ARL6IP6: variants seen among roughly 807,000 people sequenced by gnomAD.
ARL6IP6 encodes the protein ADP-ribosylation factor-like protein 6-interacting protein 6.
In ARL6IP6, 22 loss-of-function variants were observed where a neutral mutation model predicts 21.5. That is an observed-to-expected ratio of 1.02 (90% CI 0.73 to 1.46). ARL6IP6 has a LOEUF of 1.46. ARL6IP6 is among the 40% of genes most tolerant of loss of function. The probability of loss-of-function intolerance (pLI) is 0.00; values close to 1 mark genes in which losing one functional copy is unlikely to be tolerated. For missense variants in ARL6IP6, 388 were observed against 299.8 expected (o/e 1.29, Z -2.17); for synonymous variants, 164 against 125.3 (o/e 1.31, Z -2.06).
In ARL6IP6 at chr2:152,749,314, A is replaced by ACACACAC. The variant is rs1701206001; in HGVS notation, c.588-10433_588-10432insCACACAC. On this transcript the variant is annotated intron_variant, in intron 3 of 3. Coordinates refer to ENST00000326446, the MANE Select transcript of ARL6IP6 (RefSeq NM_152522.7). ...TATCAAGCAGAAACACACACACAAAAACACACACACACACACACACACGCA... is the reference window on the plus strand; with the variant it reads ...TATCAAGCAGAAACACACACACAAAACACACACACACACACACACACACACACACGCA... Among the ~76,000 whole-genome samples the ACACACAC allele has an allele frequency of 6.4e-3, 966 of 150,218 alleles. 11 individuals carry two copies. The highest frequency in any genetic ancestry group is 0.023 in the African/African-American group (937 of 40,842).
At chr2:152,722,589 A>G (rs746446700) in intron 2 of ARL6IP6, among the ~76,000 whole-genome samples, 1 of 152,196 alleles carries the variant, frequency 6.6e-6, no homozygotes, top group Non-Finnish European at 1.5e-5. Flanking sequence ...CAGGGCCAAG[A>G]TGATTAAGCT....
intron 3 of ARL6IP6, among the ~76,000 whole-genome samples, chr2:152,754,222 C>T (rs917081872): frequency 6.6e-6 from 1 of 152,158 alleles, no homozygotes; most frequent in East Asian, 1.9e-4. Flanking sequence ...GCACCATTTC[C>T]TCCTGCCTCT....
chr2:152,759,717 T>C (rs1701743783), intron 3 of ARL6IP6, 30 bp from the exon 4 acceptor site: 1 of 1,578,116 alleles, frequency 6.3e-7, no homozygotes, highest in Non-Finnish European at 8.7e-7. Flanking sequence ...ACATTTTTCT[T>C]TTTTGATTTG....
chr2:152,717,808 C>G (rs1198750981), upstream of ARL6IP6: 29 of 1,150,574 alleles, frequency 2.5e-5, no homozygotes, highest in Non-Finnish European at 3.1e-5. Flanking sequence ...CCTCCCCGCC[C>G]GAGTTACGTA....
rs778543539 is a variant in ARL6IP6, at chr2:152,718,656, C to T, written c.32C>T (p.Ala11Val). Residue 11 changes from alanine to valine, a missense_variant, in exon 1 of 4, where the codon GCT (alanine) becomes GTT (valine). Physicochemically the swap from Ala to Val is moderately conservative, Grantham distance 64. Coordinates refer to ENST00000326446, the MANE Select transcript of ARL6IP6 (RefSeq NM_152522.7). MSFAESGWRS[A>V]LRRRGPGTPG... ...TTTGCTGAGAGCGGGTGGCGGTCGG[C>T]TCTGCGGCGCCGCGGTCCCGGCACC... The T allele has an allele frequency of 6.4e-7, 1 of 1,563,274 alleles. No homozygotes were observed.
intron 3 of ARL6IP6, among the ~76,000 whole-genome samples, chr2:152,753,062 C>G (rs972699164): frequency 1.3e-5 from 2 of 151,926 alleles, no homozygotes; most frequent in Non-Finnish European, 2.9e-5. Context: ...CACCAGAGCC[C>G]CGAGAGGTGG....
upstream of ARL6IP6, chr2:152,717,894 T>TG: frequency 9.9e-7 from 1 of 1,010,158 alleles, no homozygotes; most frequent in Non-Finnish European, 1.2e-6. Flanking sequence ...TAGCGGTGGC[T>TG]GGGACCGAAT....
chr2:152,756,134 A>G (rs1701582688), intron 3 of ARL6IP6, among the ~76,000 whole-genome samples: 1 of 152,166 alleles, frequency 6.6e-6, no homozygotes, highest in African/African-American at 2.4e-5. Context: ...TTGTTGTCAT[A>G]TCTAAGAATC....
intron 3 of ARL6IP6, among the ~76,000 whole-genome samples, chr2:152,741,907 G>C (rs1357798952): frequency 6.6e-6 from 1 of 152,220 alleles, no homozygotes; most frequent in African/African-American, 2.4e-5. Context: ...AGACTGGATG[G>C]AAAGTCTTGT....
At chr2:152,758,708 CTCT>C (rs1005987067) in intron 3 of ARL6IP6, among the ~76,000 whole-genome samples, 44 of 152,234 alleles carry the variant, frequency 2.9e-4, no homozygotes, top group African/African-American at 1.0e-3. Flanking sequence ...ATGCAAAGGG[CTCT>C]TCTTTGAAGA....
intron 2 of ARL6IP6, among the ~76,000 whole-genome samples, chr2:152,727,444 G>C (rs533940212): frequency 6.6e-6 from 1 of 152,072 alleles, no homozygotes; most frequent in Non-Finnish European, 1.5e-5. Context: ...TTAATTTAGC[G>C]TAACCTAAGT....
rs188046035 is a variant in ARL6IP6, at chr2:152,748,389, T to A, written c.588-11358T>A. ...GTGTTGCTTGTTTTTTTGTTTTGTT[T>A]TGTTTTCCAAGTTTCAGGTTTAGTG... On this transcript the variant is annotated intron_variant, in intron 3 of 3. Coordinates refer to ENST00000326446, the MANE Select transcript of ARL6IP6 (RefSeq NM_152522.7). Among the ~76,000 whole-genome samples, 167 of 152,362 alleles carry A rather than the reference T, an allele frequency of 1.1e-3. 2 individuals are homozygous for A. The highest frequency in any genetic ancestry group is 3.7e-3 in the African/African-American group (154 of 41,594).
chr2:152,718,393 C>T, upstream of ARL6IP6: 2 of 495,544 alleles, frequency 4.0e-6, no homozygotes, highest in Non-Finnish European at 3.2e-6. Flanking sequence ...CGCTTTCCTG[C>T]TCCCCTTTCC....
At chr2:152,747,778 C>T (rs1701126110) in intron 3 of ARL6IP6, among the ~76,000 whole-genome samples, 1 of 152,068 alleles carries the variant, frequency 6.6e-6, no homozygotes, top group South Asian at 2.1e-4. Flanking sequence ...ACCATGTTGG[C>T]CAGGCTGGTC....
chr2:152,759,403 T>G (rs941710304), intron 3 of ARL6IP6, among the ~76,000 whole-genome samples: 4 of 152,206 alleles, frequency 2.6e-5, no homozygotes, highest in African/African-American at 9.6e-5. Flanking sequence ...ATGAAAGAAC[T>G]GTTTGTAAAA....
chr2:152,747,992 C>T (rs1701138142), intron 3 of ARL6IP6, among the ~76,000 whole-genome samples: 1 of 152,206 alleles, frequency 6.6e-6, no homozygotes, highest in Non-Finnish European at 1.5e-5. Flanking sequence ...TGAGTCACCG[C>T]ATCCAGCCCT....
chr2:152,745,251 A>G (rs190910595), intron 3 of ARL6IP6, among the ~76,000 whole-genome samples: 21 of 152,316 alleles, frequency 1.4e-4, no homozygotes, highest in Non-Finnish European at 2.9e-4. Flanking sequence ...GAGAACAAAT[A>G]AAACAGTTGA....
upstream of ARL6IP6, chr2:152,718,119 G>A: frequency 1.0e-6 from 1 of 964,380 alleles, no homozygotes; most frequent in Non-Finnish European, 1.2e-6. Context: ...GAGAGCGCCA[G>A]GTAGAGAGGT....
intron 3 of ARL6IP6, among the ~76,000 whole-genome samples, chr2:152,753,519 T>A (rs77968711): frequency 0.011 from 1,688 of 152,236 alleles, 30 homozygotes; most frequent in African/African-American, 0.039. Context: ...TTTTGCACAT[T>A]TATTGTATCA....
Sources: gnomAD v4.1 joint callset for allele counts (sites outside exome capture counted in the v4.1 genomes callset) on GRCh38, gnomAD v4.1.1 for gene constraint, MANE v1.5 for transcripts, NCBI Gene and HGNC (gene_info 2026-07-23, HGNC 2026-07-21) for gene names.